PPIL3: variants seen among roughly 807,000 people sequenced by gnomAD.
PPIL3 encodes the protein peptidyl-prolyl cis-trans isomerase-like 3.
A neutral mutation model predicts 20.9 loss-of-function variants in PPIL3; 13 were observed. The observed-to-expected ratio is 0.62, with a 90% CI of 0.40 to 0.99. The LOEUF is 0.99. Ranked by LOEUF, PPIL3 falls within the 50% of genes least tolerant of loss-of-function variation. The pLI, the probability that PPIL3 is intolerant of heterozygous loss-of-function variation, is 0.00. For synonymous variants in PPIL3, 71 were observed against 64.4 expected (o/e 1.10, Z -0.49); for missense variants, 170 against 195.2 (o/e 0.87, Z 0.77).
intron 6 of PPIL3, among the ~76,000 whole-genome samples, chr2:200,873,993 C>T (rs1056835009): frequency 2.6e-5 from 4 of 151,390 alleles, no homozygotes; most frequent in Admixed American, 1.3e-4. Context: ...ATCACGAGGT[C>T]GGGAGATTGA....
At chr2:200,874,651 G>C (rs141176688) in intron 6 of PPIL3, among the ~76,000 whole-genome samples, 1 of 152,034 alleles carries the variant, frequency 6.6e-6, no homozygotes, top group Non-Finnish European at 1.5e-5. Flanking sequence ...GAATGATGTT[G>C]GTTAAGGGAG....
chr2:200,883,969 T>A (rs897256875), intron 3 of PPIL3, among the ~76,000 whole-genome samples: 1 of 152,186 alleles, frequency 6.6e-6, no homozygotes, highest in Non-Finnish European at 1.5e-5. Flanking sequence ...CTCACTATAT[T>A]GCCTAGGTAA....
At chr2:200,885,179 T>A in intron 3 of PPIL3, 1 of 181,828 alleles carries the variant, frequency 5.5e-6, no homozygotes, top group East Asian at 1.3e-4. Context: ...GAGACCAGCC[T>A]GACCAACATG....
intron 6 of PPIL3, among the ~76,000 whole-genome samples, chr2:200,876,306 G>A (rs183347285): frequency 8.6e-5 from 13 of 150,722 alleles, no homozygotes; most frequent in Admixed American, 5.3e-4. Context: ...AGAGCCTTTC[G>A]TCTCAAAAAA....
intron 4 of PPIL3, chr2:200,881,706 CA>C: frequency 8.0e-6 from 4 of 498,880 alleles, no homozygotes; most frequent in Non-Finnish European, 1.4e-5. Context: ...AAATATTGTT[CA>C]TATATATTTA....
intron 3 of PPIL3, among the ~76,000 whole-genome samples, chr2:200,883,378 T>G (rs1165527963): frequency 6.6e-6 from 1 of 152,092 alleles, no homozygotes; most frequent in Non-Finnish European, 1.5e-5. Context: ...ATTAGTTTAT[T>G]GGCTACACCT....
At chr2:200,888,831 GT>G (rs1278305941) in intron 1 of PPIL3, 124 bp downstream of exon 1, 6 of 442,654 alleles carry the variant, frequency 1.4e-5, no homozygotes, top group Non-Finnish European at 2.8e-5. Context: ...TTACTCTGAC[GT>G]TGCAACAACA....
chr2:200,888,413 T>G (rs1046305945), intron 1 of PPIL3: 1 of 154,824 alleles, frequency 6.5e-6, no homozygotes, highest in Admixed American at 6.4e-5. Flanking sequence ...ATCACTAATA[T>G]ACTATGAAAT....
chr2:200,881,117 CATGA>C (rs2039705742), intron 5 of PPIL3, among the ~76,000 whole-genome samples: 1 of 152,140 alleles, frequency 6.6e-6, no homozygotes, highest in African/African-American at 2.4e-5. Context: ...TGTCATTCAA[CATGA>C]ATTTTATGGT....
chr2:200,873,934 A>G lies in PPIL3; in HGVS notation c.360-2413T>C, dbSNP rs556618050. 2.4e-3 allele frequency among the ~76,000 whole-genome samples: 367 copies of G among 151,530 alleles called. 2 individuals are homozygous for G. The highest frequency in any genetic ancestry group is 6.3e-3 in the African/African-American group (260 of 41,362). ...ATTAACAGATTTGTAGGCCTGGCGC[A>G]GTGGCTCACGCCTGTAATCTCAGCA... On this transcript the variant is annotated intron_variant, in intron 6 of 6. Coordinates refer to ENST00000392283, the MANE Select transcript of PPIL3 (RefSeq NM_130906.3).
chr2:200,871,343 C>T lies in PPIL3; in HGVS notation c.*52G>A, dbSNP rs369908436. 13 of 1,550,742 alleles carry T rather than the reference C, an allele frequency of 8.4e-6. No individual in the cohort carries two copies. The African/African-American group carries it at 1.6e-4, about 20-fold the overall frequency. The stretch of plus-strand genomic sequence containing the variant: ...GACATAATTAAAACCGGGTAAACCA[C>T]AATAAGTGTGTTCCAGCAATTTGTC... On this transcript the variant is annotated 3_prime_UTR_variant, in exon 7 of 7. Transcript: ENST00000392283.
rs1486976026 is a variant in PPIL3 at position 200,888,973 on chromosome 2, G to A, written c.-88C>T. On this transcript the variant is annotated 5_prime_UTR_variant, in exon 1 of 7. In the 5' UTR this introduces an upstream ATG that the reference lacks. Coordinates refer to ENST00000392283, the MANE Select transcript of PPIL3 (RefSeq NM_130906.3). Reference sequence around the variant, plus strand: ...CTCCATACTTGGGCTTCACCACTTCGTCTAGCACAGCCGTTGTTAAAACAG... The same window carrying A: ...CTCCATACTTGGGCTTCACCACTTCATCTAGCACAGCCGTTGTTAAAACAG... 4.2e-6 allele frequency: 2 copies of A among 471,084 alleles called. No homozygotes were observed. Among genetic ancestry groups the A allele is most frequent in the African/African-American group, 4.0e-5 (2 of 50,094 alleles). 29.2% of individuals were successfully genotyped at this position (471,084 alleles called of 1,614,324 possible).
chr2:200,882,201 C>T, intron 4 of PPIL3, 141 bp downstream of exon 4: 1 of 639,580 alleles, frequency 1.6e-6, no homozygotes, highest in Non-Finnish European at 2.8e-6. Context: ...AACAAACCTG[C>T]ATGTTCTGTA....
intron 3 of PPIL3, among the ~76,000 whole-genome samples, chr2:200,883,926 C>T (rs1426687875): frequency 6.6e-6 from 1 of 152,104 alleles, no homozygotes; most frequent in Non-Finnish European, 1.5e-5. Flanking sequence ...CAACATCTGG[C>T]TAATTTTTGT....
At chr2:200,881,545 C>G in intron 4 of PPIL3, 57 bp from the exon 5 acceptor site, 20 of 1,448,906 alleles carry the variant, frequency 1.4e-5, no homozygotes, top group Non-Finnish European at 1.8e-5. Flanking sequence ...AAAACAAGTT[C>G]ATTTCCCAAA....
chr2:200,885,229 G>A, intron 3 of PPIL3: 1 of 268,824 alleles, frequency 3.7e-6, no homozygotes, highest in South Asian at 1.7e-4. Context: ...AAATTAGCCA[G>A]GCATGGTGGC....
At chr2:200,887,575 TAATG>T in intron 2 of PPIL3, 34 bp downstream of exon 2, 4 of 1,509,890 alleles carry the variant, frequency 2.6e-6, no homozygotes, top group Non-Finnish European at 3.6e-6. Context: ...AAATTACTTA[TAATG>T]AAAGACATTA....
chr2:200,875,488 G>A (rs1012636080), intron 6 of PPIL3, among the ~76,000 whole-genome samples: 16 of 151,962 alleles, frequency 1.1e-4, no homozygotes, highest in African/African-American at 3.6e-4. Flanking sequence ...GGATGGTCTT[G>A]ATCTCCTGAC....
intron 3 of PPIL3, among the ~76,000 whole-genome samples, chr2:200,883,088 T>C (rs1045928847): frequency 2.7e-5 from 4 of 150,498 alleles, no homozygotes; most frequent in African/African-American, 4.9e-5. Context: ...ACTCTGTACC[T>C]GAGATTTCTA....
Sources: allele counts gnomAD v4.1 joint callset (sites outside exome capture counted in the v4.1 genomes callset), GRCh38; gene constraint gnomAD v4.1.1; transcripts MANE v1.5; gene names NCBI Gene and HGNC (gene_info 2026-07-23, HGNC 2026-07-21).